Variants in ZNF469 observed in about 807,000 individuals in gnomAD.
ZNF469 encodes zinc finger protein 469.
In ZNF469, 1 loss-of-function variant was observed where a neutral mutation model predicts 1.0. The ratio of observed to expected loss-of-function variants is 1.00; its 90% confidence interval spans 0.35 to 4.73. The LOEUF (loss-of-function observed/expected upper bound fraction) is 4.73. Ranked by LOEUF, ZNF469 falls within the 30% of genes most tolerant of loss-of-function variation. ZNF469 has a pLI of 0.16. For missense variants in ZNF469, 6,100 were observed against 5,356.3 expected (o/e 1.14, Z -4.33); for synonymous variants, 2,703 against 2,363.4 (o/e 1.14, Z -4.17).
At chr16:88,410,098 G>C (rs1486970345) in intron 1 of ZNF469, among the ~76,000 whole-genome samples, 1 of 152,076 alleles carries the variant, frequency 6.6e-6, no homozygotes, top group African/African-American at 2.4e-5. Context: ...CAGATGTGGG[G>C]GTGGGGGAAG....
the ZNF469 span, among the ~76,000 whole-genome samples, chr16:88,238,133 C>T: frequency 2.0e-5 from 3 of 152,370 alleles, no homozygotes; most frequent in East Asian, 5.8e-4. Flanking sequence ...TCACCTGTTT[C>T]TCTGTGCTCC....
At chr16:88,279,359 C>T in the ZNF469 span, among the ~76,000 whole-genome samples, 3,118 of 151,152 alleles carry the variant, frequency 0.021, 169 homozygotes, top group African/African-American at 0.071. Flanking sequence ...AGTGCTACGC[C>T]ATGCTGACGC....
At chr16:88,404,028 G>C (rs1567502368) in intron 1 of ZNF469, among the ~76,000 whole-genome samples, 1 of 152,254 alleles carries the variant, frequency 6.6e-6, no homozygotes. Flanking sequence ...CCGCCAGGGG[G>C]CCCAAAGCCC....
chr16:88,110,364 C>T, the ZNF469 span, among the ~76,000 whole-genome samples: 2 of 152,286 alleles, frequency 1.3e-5, no homozygotes, highest in East Asian at 1.9e-4. Flanking sequence ...CTCCCGCTCA[C>T]GCCGGACTGA....
chr16:88,289,298 T>C, the ZNF469 span, among the ~76,000 whole-genome samples: 1 of 149,964 alleles, frequency 6.7e-6, no homozygotes, highest in African/African-American at 2.5e-5. Flanking sequence ...ATGATGATGG[T>C]GATGAGGATG....
rs1344973258 is a variant in ZNF469, at chr16:88,431,016, G to T, written c.3546G>T (p.Ala1182=). 10 of 1,543,862 alleles carry T rather than the reference G, an allele frequency of 6.5e-6. No individual in the cohort carries two copies. Among genetic ancestry groups the T allele is most frequent in the Middle Eastern group, 3.4e-4 (2 of 5,970 alleles). ...CGTCTCGAAGCCTGGAGACGGGAGCGGCCGCCAGGGAGGGAGGCCCCAAGT... is the reference window on the plus strand; with the variant it reads ...CGTCTCGAAGCCTGGAGACGGGAGCTGCCGCCAGGGAGGGAGGCCCCAAGT... ...RGPSRSLETG[A]AAREGGPKCA... Residue 1182 remains alanine, a synonymous_variant, in exon 3 of 3, where the codon GCG becomes GCT. Transcript: ENST00000565624.
At chr16:88,102,475 C>T in the ZNF469 span, among the ~76,000 whole-genome samples, 29 of 152,354 alleles carry the variant, frequency 1.9e-4, no homozygotes, top group Admixed American at 1.6e-3. Flanking sequence ...GCACTCCAGC[C>T]TGGGGGACAA....
the ZNF469 span, among the ~76,000 whole-genome samples, chr16:88,253,353 C>G: frequency 6.6e-6 from 1 of 152,166 alleles, no homozygotes; most frequent in Non-Finnish European, 1.5e-5. Flanking sequence ...ATTACCTACA[C>G]TTGGGCTTGT....
At chr16:88,161,717 A>G in the ZNF469 span, among the ~76,000 whole-genome samples, 1 of 152,334 alleles carries the variant, frequency 6.6e-6, no homozygotes, top group South Asian at 2.1e-4. Flanking sequence ...GTAAGGGGAA[A>G]AAAAAAGCTA....
chr16:88,180,310 GA>G, the ZNF469 span, among the ~76,000 whole-genome samples: 682 of 145,682 alleles, frequency 4.7e-3, 4 homozygotes, highest in African/African-American at 0.014. Context: ...GTCTACAAAA[GA>G]AAAAAAAAAT....
the ZNF469 span, among the ~76,000 whole-genome samples, chr16:88,338,894 G>A: frequency 3.3e-5 from 5 of 152,158 alleles, no homozygotes; most frequent in African/African-American, 1.2e-4. Context: ...GCCCTGCAAC[G>A]CCTTGGTTTC....
At chr16:88,154,520 GA>G in the ZNF469 span, among the ~76,000 whole-genome samples, 1 of 152,216 alleles carries the variant, frequency 6.6e-6, no homozygotes, top group Non-Finnish European at 1.5e-5. Flanking sequence ...TACCATCGTA[GA>G]AAGTTCTGCC....
the ZNF469 span, among the ~76,000 whole-genome samples, chr16:88,327,303 C>A: frequency 6.6e-6 from 1 of 152,318 alleles, no homozygotes; most frequent in African/African-American, 2.4e-5. Flanking sequence ...CACGCCAGCC[C>A]CCGCCTCGCC....
the ZNF469 span, among the ~76,000 whole-genome samples, chr16:88,233,997 G>C: frequency 6.6e-6 from 1 of 152,240 alleles, no homozygotes; most frequent in East Asian, 1.9e-4. Flanking sequence ...TGCTGTTTAA[G>C]TGCTTTTTTA....
chr16:88,282,408 C>T, the ZNF469 span, among the ~76,000 whole-genome samples: 32 of 152,184 alleles, frequency 2.1e-4, no homozygotes, highest in African/African-American at 6.7e-4. Flanking sequence ...CTGGGTGTGG[C>T]GGGGAGGCTG....
the ZNF469 span, among the ~76,000 whole-genome samples, chr16:88,181,581 A>C: frequency 6.6e-6 from 1 of 152,190 alleles, no homozygotes; most frequent in Non-Finnish European, 1.5e-5. Flanking sequence ...CAAAAAATCC[A>C]AAGAGAAATT....
chr16:88,314,982 A>G, the ZNF469 span, among the ~76,000 whole-genome samples: 12 of 151,244 alleles, frequency 7.9e-5, no homozygotes, highest in East Asian at 2.4e-3. Context: ...TGTCTCTGTA[A>G]TTAAGATGAT....
At position 88,429,406 on chromosome 16, in the gene ZNF469, A is replaced by G; in HGVS notation, c.1936A>G (p.Ser646Gly). 1.5e-6 allele frequency: 2 copies of G among 1,327,902 alleles called. No homozygotes were observed. Among genetic ancestry groups the G allele is most frequent in the Admixed American group, 2.2e-5 (1 of 44,456 alleles). The allele number at this position is 1,327,902 out of a possible 1,614,324, so 82.3% of individuals were successfully genotyped here. ...ACCCACTCACCCCCAGGAGACGGGC[A>G]GCCCCTTCCCGTCCCCGGAGCCCCC... Reference protein sequence around the residue: ...HPPTHPQETGSPFPSPEPPHS... With the variant: ...HPPTHPQETGGPFPSPEPPHS... Residue 646 changes from serine (S) to glycine (G), a missense_variant, in exon 3 of 3, where the codon AGC becomes GGC. Coordinates refer to ENST00000565624, the MANE Select transcript of ZNF469 (RefSeq NM_001367624.2).
At chr16:88,277,128 T>C in the ZNF469 span, among the ~76,000 whole-genome samples, 308 of 119,586 alleles carry the variant, frequency 2.6e-3, no homozygotes, top group Middle Eastern at 0.016. Flanking sequence ...CGCTGACGCT[T>C]GGTCAGTACC....
Sources: gnomAD v4.1 joint callset for allele counts (sites outside exome capture counted in the v4.1 genomes callset) on GRCh38, gnomAD v4.1.1 for gene constraint, MANE v1.5 for transcripts, NCBI Gene and HGNC (gene_info 2026-07-23, HGNC 2026-07-21) for gene names.